PRDM8: variants seen among roughly 807,000 people sequenced by gnomAD.
PRDM8 encodes PR/SET domain 8.
In PRDM8, 13 loss-of-function variants were observed where a neutral mutation model predicts 46.5. The ratio of observed to expected loss-of-function variants is 0.28; its 90% CI spans 0.18 to 0.44. PRDM8 has a LOEUF of 0.44. Ranked by LOEUF, PRDM8 falls within the 20% of genes least tolerant of loss-of-function variation. PRDM8 has a pLI of 1.00. For missense variants in PRDM8, 998 were observed against 955.0 expected (o/e 1.04, Z -0.59); for synonymous variants, 473 against 438.4 (o/e 1.08, Z -0.98).
In PRDM8 at chr4:80,201,331, G is replaced by A; in HGVS notation, c.261G>A (p.Met87Ile). Residue 87 changes from methionine (M) to isoleucine (I), a missense_variant, in exon 3 of 4, where the codon ATG (methionine) becomes ATA (isoleucine). Coordinates refer to ENST00000415738, the MANE Select transcript of PRDM8 (RefSeq NM_001099403.2). The part of the protein sequence containing the change: ...SAANGSSEGL[M>I]WLRLVQSARD... ...CAAATGGTTCCTCAGAAGGTCTCAT[G>A]TGGCTGCGGTTGGTCCAATCGGCCA... 6.2e-7 allele frequency: 1 copy of A among 1,614,226 alleles called. No individual in the cohort carries two copies. The highest frequency in any genetic ancestry group is 8.5e-7 in the Non-Finnish European group (1 of 1,180,036).
In PRDM8 at chr4:80,201,540, G is replaced by C; in HGVS notation, c.451+19G>C. ...ATGAATGGTAGGTTGGCTCGCGACCGGCGTGTGGGCCCTTAACTAGCGGGG... is the reference window on the plus strand; with the variant it reads ...ATGAATGGTAGGTTGGCTCGCGACCCGCGTGTGGGCCCTTAACTAGCGGGG... On this transcript the variant is annotated intron_variant, in intron 3 of 3. Transcript: ENST00000415738. 1.9e-6 allele frequency: 3 copies of C among 1,605,436 alleles called. No homozygotes were observed. The highest frequency in any genetic ancestry group is 3.3e-4 in the Middle Eastern group (2 of 5,996).
chr4:80,201,217 C>T, intron 2 of PRDM8, 73 bp from the exon 3 acceptor site: 2 of 1,355,004 alleles, frequency 1.5e-6, no homozygotes, highest in Non-Finnish European at 2.1e-6. Flanking sequence ...CTTGATTCTT[C>T]TGATTTCATT....
At chr4:80,194,035 GAGAA>G (rs1203985080), upstream of PRDM8, 1 of 161,106 alleles carries the variant, frequency 6.2e-6, no homozygotes, top group Non-Finnish European at 1.3e-5. Context: ...ACCCTGGGAA[GAGAA>G]AGAGTGTTCC....
In PRDM8 at chr4:80,188,920, C is replaced by G. The variant is rs149319638; in HGVS notation, c.-982-2552C>G. ...CTGGGACAAGGAGTGAGGGCAGCCA[C>G]GGGGGGAACTCGCCCTGCACAAAGC... is the stretch of plus-strand genomic sequence containing the variant. On this transcript the variant is annotated intron_variant, in intron 1 of 9. Coordinates refer to the PRDM8 transcript ENST00000339711. 5.0e-3 allele frequency among the ~76,000 whole-genome samples: 764 copies of G among 152,310 alleles called. 2 individuals carry two copies. Among genetic ancestry groups the G allele is most frequent in the Non-Finnish European group, 8.2e-3 (555 of 68,016 alleles).
intron 3 of PRDM8, 94 bp downstream of exon 3, chr4:80,201,615 T>C: frequency 7.8e-7 from 1 of 1,281,678 alleles, no homozygotes; most frequent in South Asian, 1.3e-5. Context: ...GGCGCGCCTT[T>C]CTTCCCTTCG....
Position 80,202,897 on chromosome 4 carries a change from G to A in PRDM8, c.1435G>A (p.Gly479Ser). The A allele has an allele frequency of 7.5e-7, 1 of 1,326,010 alleles. No individual in the cohort carries two copies. The highest frequency in any genetic ancestry group is 4.2e-5 in the Admixed American group (1 of 23,780). The allele number at this position is 1,326,010 out of a possible 1,614,324, so 82.1% of individuals were successfully genotyped here. Residue 479 changes from glycine to serine, a missense_variant, in exon 4 of 4, where the codon GGC becomes AGC. Coordinates refer to ENST00000415738, the MANE Select transcript of PRDM8 (RefSeq NM_001099403.2). Reference protein sequence around the residue: ...AGSTSGGGGTGAGAAGGAGGG... With the variant: ...AGSTSGGGGTSAGAAGGAGGG... ...CAGCACCAGCGGTGGGGGCGGAACG[G>A]GCGCCGGGGCCGCAGGCGGCGCGGG...
chr4:80,200,491 G>T (rs986906673), intron 2 of PRDM8, among the ~76,000 whole-genome samples, 192 bp downstream of exon 2: 1 of 152,266 alleles, frequency 6.6e-6, no homozygotes, highest in African/African-American at 2.4e-5. Context: ...TGATTTTTTG[G>T]AATAAATGAC....
intron 1 of PRDM8, chr4:80,185,577 T>G (rs1360195228): frequency 6.6e-6 from 1 of 151,440 alleles, no homozygotes; most frequent in Non-Finnish European, 1.5e-5. Context: ...ATGCACAGAG[T>G]GTGGTTGGGA....
At chr4:80,201,210 G>A in intron 2 of PRDM8, 80 bp from the exon 3 acceptor site, 2 of 1,298,712 alleles carry the variant, frequency 1.5e-6, no homozygotes, top group Non-Finnish European at 2.2e-6. Flanking sequence ...AAATGGTCTT[G>A]ATTCTTCTGA....
At chr4:80,199,703 A>ATGTGTG (rs1439070378) in intron 1 of PRDM8, among the ~76,000 whole-genome samples, 1 of 72,650 alleles carries the variant, frequency 1.4e-5, no homozygotes, top group Admixed American at 1.4e-4. Context: ...ATGTATATAT[A>ATGTGTG]TATATATGTG....
chr4:80,196,494 G>A (rs1737970013), upstream of PRDM8: 1 of 985,394 alleles, frequency 1.0e-6, no homozygotes, highest in Non-Finnish European at 1.2e-6. Flanking sequence ...GCAAGTCAGC[G>A]CCTCTAAGTG....
At chr4:80,199,997 G>C in intron 1 of PRDM8, 82 bp from the exon 2 acceptor site, 1 of 1,136,614 alleles carries the variant, frequency 8.8e-7, no homozygotes, top group South Asian at 1.3e-5. Context: ...AATCTACCTA[G>C]TATTTGGACA....
chr4:80,194,626 G>T (rs537936020), upstream of PRDM8, among the ~76,000 whole-genome samples: 6 of 152,048 alleles, frequency 3.9e-5, no homozygotes, highest in African/African-American at 1.2e-4. Context: ...TAAGAATTTC[G>T]ACTTAATCTT....
rs1293829340 is a variant in PRDM8 at position 80,190,051 on chromosome 4, C to G, written c.-982-1421C>G. ...GAGGCAGCTCTTGCCAGCTTTTGTTCAACCGGAGGAAAACCAAGGCTGAGC... is the reference window on the plus strand; with the variant it reads ...GAGGCAGCTCTTGCCAGCTTTTGTTGAACCGGAGGAAAACCAAGGCTGAGC... On this transcript the variant is annotated intron_variant, in intron 1 of 9. Transcript: ENST00000339711. The G allele has an allele frequency of 2.6e-5, 4 of 152,366 alleles. No homozygotes were observed. The East Asian group carries it at 5.8e-4, about 22-fold the overall frequency. 9.4% of individuals were successfully genotyped at this position (152,366 alleles called of 1,614,324 possible).
intron 1 of PRDM8, among the ~76,000 whole-genome samples, chr4:80,198,980 G>GTTTTTTTTTTTTTTT (rs1413112507): frequency 1.9e-5 from 2 of 104,226 alleles, no homozygotes; most frequent in African/African-American, 3.5e-5. Flanking sequence ...GTTTTTTTGG[G>GTTTTTTTTTTTTTTT]TTTTTTTTTT....
At chr4:80,187,249 C>G (rs60248334) in intron 1 of PRDM8, among the ~76,000 whole-genome samples, 51,224 of 119,492 alleles carry the variant, frequency 0.43, 16,576 homozygotes, top group East Asian at 0.8. Context: ...TGCCCTGGGG[C>G]GGGGGGAAGC....
chr4:80,186,308 T>C (rs1300564790), intron 1 of PRDM8, among the ~76,000 whole-genome samples: 1 of 151,038 alleles, frequency 6.6e-6, no homozygotes, highest in Admixed American at 6.6e-5. Context: ...AGAACTGGAA[T>C]GTTAGATTTA....
chr4:80,196,033 C>T (rs1056928299), upstream of PRDM8: 3 of 984,222 alleles, frequency 3.0e-6, no homozygotes, highest in African/African-American at 5.2e-5. Context: ...CCCTGGCCTC[C>T]TGGGACTGCA....
chr4:80,201,574 C>CCCTTAACT, intron 3 of PRDM8, 53 bp downstream of exon 3: 1 of 1,537,846 alleles, frequency 6.5e-7, no homozygotes, highest in Non-Finnish European at 9.0e-7. Flanking sequence ...GGGAGAGACG[C>CCCTTAACT]AGGGAGCGGC....
Sources: allele counts gnomAD v4.1 joint callset (sites outside exome capture counted in the v4.1 genomes callset), GRCh38; gene constraint gnomAD v4.1.1; transcripts MANE v1.5; gene names NCBI Gene and HGNC (gene_info 2026-07-23, HGNC 2026-07-21).